IFT88: variants seen among roughly 807,000 people sequenced by gnomAD.
IFT88 encodes intraflagellar transport 88.
A neutral mutation model predicts 119.5 loss-of-function variants in IFT88; 74 were observed. The ratio of observed to expected loss-of-function variants is 0.62; its 90% CI spans 0.51 to 0.75. The LOEUF is 0.75. IFT88 is among the 30% of genes least tolerant of loss of function. The pLI is 0.00. For missense variants in IFT88, 961 were observed against 977.7 expected (o/e 0.98, Z 0.23); for synonymous variants, 279 against 316.7 (o/e 0.88, Z 1.26).
intron 11 of IFT88, among the ~76,000 whole-genome samples, chr13:20,601,143 A>C (rs1241081720): frequency 6.6e-6 from 1 of 152,250 alleles, no homozygotes; most frequent in East Asian, 1.9e-4. Context: ...AGGCGGGCGA[A>C]TCACCTGAAG....
chr13:20,568,846 G>A (rs2035555966), intron 1 of IFT88, among the ~76,000 whole-genome samples: 2 of 151,896 alleles, frequency 1.3e-5, no homozygotes, highest in South Asian at 2.1e-4. Flanking sequence ...TCAGCCTCCC[G>A]AGTAGCTGGG....
chr13:20,621,538 A>T (rs1217071240), intron 14 of IFT88, among the ~76,000 whole-genome samples: 2 of 16,498 alleles, frequency 1.2e-4, no homozygotes, highest in Non-Finnish European at 3.7e-4. Flanking sequence ...AAAAAAAAAA[A>T]AAAAAAAAAA....
At chr13:20,621,526 TAAAAAAAAAAAAAAAA>T (rs200491393) in intron 14 of IFT88, among the ~76,000 whole-genome samples, 1 of 130,746 alleles carries the variant, frequency 7.6e-6, no homozygotes, top group Non-Finnish European at 1.6e-5. Context: ...CCTGCTGAGA[TAAAAAAAAAAAAAAAA>T]AAAAAAAAAA....
intron 15 of IFT88, among the ~76,000 whole-genome samples, chr13:20,626,921 T>A (rs1296282490): frequency 6.6e-6 from 1 of 152,308 alleles, no homozygotes; most frequent in Non-Finnish European, 1.5e-5. Flanking sequence ...ATAGCATCTT[T>A]CCCACATCCT....
chr13:20,571,729 A>G (rs1339849617), intron 1 of IFT88, among the ~76,000 whole-genome samples: 1 of 152,210 alleles, frequency 6.6e-6, no homozygotes, highest in Non-Finnish European at 1.5e-5. Flanking sequence ...GAGAAAGTTC[A>G]CTGGAACTAG....
Position 20,605,166 on chromosome 13 carries a change from AG to A in IFT88, c.1112+62del, listed in dbSNP as rs111552446. 3.4e-3 allele frequency: 2,316 copies of A among 677,024 alleles called. 39 individuals are homozygous for A. The African/African-American group carries it at 0.039, about 11-fold the overall frequency. 41.9% of individuals were successfully genotyped at this position (677,024 alleles called of 1,614,324 possible). On this transcript the variant is annotated intron_variant, in intron 13 of 25. Transcript: ENST00000351808. ...ACATTATTTAAAATATTTAATGTTT[AG>A]TATTAAGATACTTAATATTTGAAAC...
chr13:20,587,940 C>T (rs2039997152), intron 3 of IFT88, among the ~76,000 whole-genome samples: 1 of 147,802 alleles, frequency 6.8e-6, no homozygotes, highest in African/African-American at 2.5e-5. Flanking sequence ...AGTATTTATT[C>T]CACTTACATT....
intron 18 of IFT88, 121 bp from the exon 19 acceptor site, chr13:20,643,333 GA>G: frequency 1.4e-6 from 1 of 706,418 alleles, no homozygotes; most frequent in Non-Finnish European, 2.3e-6. Flanking sequence ...ATATCCAGAG[GA>G]AACAGTATAC....
In IFT88 at chr13:20,615,445, G is replaced by A. The variant is rs116450838; in HGVS notation, c.1113-348G>A. ...TTTACCACACACAATTTCTTCAGTG[G>A]TAATTTCACCCTTTACTTTCGTGTC... On this transcript the variant is annotated intron_variant, in intron 13 of 25. Coordinates refer to ENST00000351808, the MANE Select transcript of IFT88 (RefSeq NM_006531.5). 2.2e-3 allele frequency among the ~76,000 whole-genome samples: 338 copies of A among 152,288 alleles called. 1 individual carries two copies. Among genetic ancestry groups the A allele is most frequent in the African/African-American group, 4.8e-3 (201 of 41,574 alleles).
At chr13:20,640,458 A>C (rs1027041976) in intron 17 of IFT88, among the ~76,000 whole-genome samples, 1 of 152,046 alleles carries the variant, frequency 6.6e-6, no homozygotes, top group African/African-American at 2.4e-5. Context: ...CTGTAGTCCC[A>C]GCTACTCAGG....
At chr13:20,681,294 A>G (rs147781429) in intron 24 of IFT88, among the ~76,000 whole-genome samples, 18 of 152,182 alleles carry the variant, frequency 1.2e-4, no homozygotes, top group African/African-American at 3.9e-4. Context: ...TAGCCCAAAC[A>G]AAGTGAGAAA....
chr13:20,602,262 T>C (rs983250844), intron 12 of IFT88, among the ~76,000 whole-genome samples: 2 of 139,398 alleles, frequency 1.4e-5, no homozygotes, highest in Non-Finnish European at 3.0e-5. Flanking sequence ...TGGAGTGCAG[T>C]GGTGCAGTCT....
chr13:20,587,054 C>A (rs1379485478), intron 3 of IFT88, among the ~76,000 whole-genome samples: 1 of 151,882 alleles, frequency 6.6e-6, no homozygotes, highest in East Asian at 1.9e-4. Context: ...CTCTGTGTTA[C>A]TGATTTCTAG....
intron 24 of IFT88, among the ~76,000 whole-genome samples, chr13:20,682,117 C>T (rs541110993): frequency 3.3e-5 from 5 of 152,110 alleles, no homozygotes; most frequent in Non-Finnish European, 5.9e-5. Flanking sequence ...AATAATTTTT[C>T]CAGGGTCATA....
intron 24 of IFT88, among the ~76,000 whole-genome samples, chr13:20,676,156 C>G (rs988514282): frequency 1.3e-5 from 2 of 152,234 alleles, no homozygotes; most frequent in African/African-American, 4.8e-5. Flanking sequence ...CTCCTTAACT[C>G]TCGCCCTTAG....
intron 1 of IFT88, chr13:20,568,055 G>A (rs2035288968): frequency 1.4e-6 from 1 of 709,864 alleles, no homozygotes; most frequent in Admixed American, 2.0e-5. Flanking sequence ...CTTCCAGAAA[G>A]TTTACGAATT....
At chr13:20,567,740 A>G in intron 1 of IFT88, 2 of 1,310,044 alleles carry the variant, frequency 1.5e-6, no homozygotes, top group Non-Finnish European at 1.9e-6. Context: ...CAATGCAGAA[A>G]GCGGTACTTA....
intron 14 of IFT88, among the ~76,000 whole-genome samples, chr13:20,619,576 T>C (rs566934275): frequency 6.6e-6 from 1 of 152,324 alleles, no homozygotes; most frequent in South Asian, 2.1e-4. Context: ...TTCATTGCTA[T>C]CTAGTAGTTC....
intron 13 of IFT88, among the ~76,000 whole-genome samples, chr13:20,609,344 G>A (rs1419762191): frequency 6.6e-6 from 1 of 152,182 alleles, no homozygotes; most frequent in East Asian, 1.9e-4. Context: ...AGACCACGGC[G>A]TTTTGGTTCC....
Sources: gnomAD v4.1 joint callset for allele counts (sites outside exome capture counted in the v4.1 genomes callset) on GRCh38, gnomAD v4.1.1 for gene constraint, MANE v1.5 for transcripts, NCBI Gene and HGNC (gene_info 2026-07-23, HGNC 2026-07-21) for gene names.